Variants in CMKLR2 observed in about 807,000 individuals in gnomAD.
CMKLR2 encodes chemerin chemokine-like receptor 2.
In CMKLR2, 18 loss-of-function variants were observed where a neutral mutation model predicts 23.0. The ratio of observed to expected loss-of-function variants is 0.78; its 90% confidence interval spans 0.54 to 1.16. The LOEUF (loss-of-function observed/expected upper bound fraction) is 1.16, where lower values mean the gene tolerates loss of function less well. Among genes scored for constraint, CMKLR2 ranks in the 50% most tolerant of loss-of-function variants. The probability of loss-of-function intolerance (pLI) is 0.00; values close to 1 mark genes in which losing one functional copy is unlikely to be tolerated. For missense variants in CMKLR2, 401 were observed against 412.7 expected (o/e 0.97, Z 0.25); for synonymous variants, 158 against 158.9 (o/e 0.99, Z 0.05).
At position 206,213,294 on chromosome 2, in the gene CMKLR2, G is replaced by A. The variant is rs540713136; in HGVS notation, c.-29+13C>T. 6.6e-6 allele frequency: 1 copy of A among 152,344 alleles called. No homozygotes were observed. The highest frequency in any genetic ancestry group is 2.4e-5 in the African/African-American group (1 of 41,576). The allele number at this position is 152,344 out of a possible 1,614,324, so 9.4% of individuals were successfully genotyped here. A position where few individuals can be genotyped will look rare whatever the true frequency, so the allele number is the denominator to read the frequency against. ...TGTGTCAGTTTGAGGAAAACAAACA[G>A]GAAAGCACTTACCAGTTAAATTTCT... On this transcript the variant is annotated intron_variant, in intron 1 of 1. Transcript: ENST00000621141.
intron 1 of CMKLR2, among the ~76,000 whole-genome samples, chr2:206,208,764 T>C (rs1220050102): frequency 6.6e-6 from 1 of 151,940 alleles, no homozygotes; most frequent in Non-Finnish European, 1.5e-5. Flanking sequence ...CTCAGCTTCC[T>C]AAGTAACTAG....
intron 1 of CMKLR2, among the ~76,000 whole-genome samples, chr2:206,179,758 T>G (rs1437806388): frequency 6.6e-6 from 1 of 152,168 alleles, no homozygotes; most frequent in Non-Finnish European, 1.5e-5. Context: ...GCTATTTCTA[T>G]CTGTAGTATT....
At chr2:206,211,723 G>A (rs1689570379) in intron 1 of CMKLR2, among the ~76,000 whole-genome samples, 1 of 145,642 alleles carries the variant, frequency 6.9e-6, no homozygotes. Context: ...TATTAAGATG[G>A]CATATATAAA....
chr2:206,204,585 G>A (rs1689243253), intron 1 of CMKLR2, among the ~76,000 whole-genome samples: 1 of 151,692 alleles, frequency 6.6e-6, no homozygotes, highest in Non-Finnish European at 1.5e-5. Context: ...TTGAGACAGA[G>A]TCTCGCTCTG....
chr2:206,177,562 T>C (rs1688273579), intron 1 of CMKLR2, among the ~76,000 whole-genome samples: 1 of 152,162 alleles, frequency 6.6e-6, no homozygotes, highest in East Asian at 1.9e-4. Flanking sequence ...AATTTTTAAA[T>C]TTTTTGTAGA....
intron 1 of CMKLR2, among the ~76,000 whole-genome samples, chr2:206,181,889 T>G (rs1176279616): frequency 6.7e-6 from 1 of 149,602 alleles, no homozygotes; most frequent in Non-Finnish European, 1.5e-5. Context: ...AGGTGGAGGT[T>G]TTAGTGAGCC....
intron 1 of CMKLR2, among the ~76,000 whole-genome samples, chr2:206,207,728 C>CTTTTGTTTTTT (rs1689382989): frequency 2.3e-5 from 1 of 43,582 alleles, no homozygotes; most frequent in Non-Finnish European, 3.7e-5. Context: ...ACCTCAGGGC[C>CTTTTGTTTTTT]TTTTTTTTTT....
Position 206,205,613 on chromosome 2 carries a change from C to T in CMKLR2, c.-29+7694G>A, listed in dbSNP as rs185076296. 1.1e-4 allele frequency among the ~76,000 whole-genome samples: 16 copies of T among 151,864 alleles called. No individual in the cohort carries two copies. In the East Asian group the frequency reaches 2.7e-3, roughly 26 times the overall value. On this transcript the variant is annotated intron_variant, in intron 1 of 1. Transcript: ENST00000621141. ...TCTTGAACTCCTGGGCTCAAGTGAT[C>T]TTCTTGCCTTGGCCTCCCAAAGTGG...
At position 206,208,266 on chromosome 2, in the gene CMKLR2, T is replaced by C. The variant is rs561844331; in HGVS notation, c.-29+5041A>G. Among the ~76,000 whole-genome samples, 2 of 152,144 alleles carry C rather than the reference T, an allele frequency of 1.3e-5. 1 individual carries two copies. The highest frequency in any genetic ancestry group is 3.9e-4 in the East Asian group (2 of 5,172). ...AAAACTATGTTATGTTTAGGCTGGG[T>C]GTGGTGGCTCATGCCTGTAATCCCT... On this transcript the variant is annotated intron_variant, in intron 1 of 1. Coordinates refer to ENST00000621141, the MANE Select transcript of CMKLR2 (RefSeq NM_001389445.1).
Position 206,209,773 on chromosome 2 carries a change from C to T in CMKLR2, c.-29+3534G>A, listed in dbSNP as rs532613140. 2.5e-3 allele frequency among the ~76,000 whole-genome samples: 375 copies of T among 150,762 alleles called. 3 individuals carry two copies. The highest frequency in any genetic ancestry group is 6.8e-3 in the Middle Eastern group (2 of 294). On this transcript the variant is annotated intron_variant, in intron 1 of 1. Coordinates refer to ENST00000621141, the MANE Select transcript of CMKLR2 (RefSeq NM_001389445.1). ...ACGCCATTCTCCTGCCTCAGCCTCC[C>T]GAGTAGCTGGGACTACAGGCGCCCG...
chr2:206,205,787 C>T (rs369021821), intron 1 of CMKLR2, among the ~76,000 whole-genome samples: 1 of 151,970 alleles, frequency 6.6e-6, no homozygotes, highest in Admixed American at 6.6e-5. Flanking sequence ...GCAACCTCCA[C>T]CTCCCAGGTT....
chr2:206,193,575 T>C (rs2105817771), intron 1 of CMKLR2, among the ~76,000 whole-genome samples: 1 of 152,322 alleles, frequency 6.6e-6, no homozygotes, highest in East Asian at 1.9e-4. Flanking sequence ...TGTTCATCCA[T>C]ATAAAGAGTC....
chr2:206,213,804 G>A (rs1428992606), upstream of CMKLR2: 1 of 152,200 alleles, frequency 6.6e-6, no homozygotes, highest in Non-Finnish European at 1.5e-5. Flanking sequence ...TCCTGATAGT[G>A]AAGAGATGGA....
chr2:206,179,664 G>C (rs1294441146), intron 1 of CMKLR2, among the ~76,000 whole-genome samples: 2 of 152,034 alleles, frequency 1.3e-5, no homozygotes, highest in Non-Finnish European at 2.9e-5. Flanking sequence ...CAGTTTTTCT[G>C]GGTTAAGAAG....
intron 1 of CMKLR2, among the ~76,000 whole-genome samples, chr2:206,184,486 G>A (rs1488398628): frequency 3.3e-5 from 5 of 151,770 alleles, no homozygotes; most frequent in Admixed American, 1.3e-4. Flanking sequence ...TAGTAAAGAC[G>A]GGGTTTCACT....
At chr2:206,191,492 A>T (rs1330898738) in intron 1 of CMKLR2, among the ~76,000 whole-genome samples, 2 of 147,848 alleles carry the variant, frequency 1.4e-5, no homozygotes, top group African/African-American at 2.4e-5. Flanking sequence ...GGACTTTGTT[A>T]AAAAAAATAC....
At chr2:206,205,503 C>T (rs756565570) in intron 1 of CMKLR2, among the ~76,000 whole-genome samples, 5 of 151,908 alleles carry the variant, frequency 3.3e-5, no homozygotes, top group African/African-American at 4.8e-5. Flanking sequence ...GCTGGGACTA[C>T]AGGTGCTCAC....
At chr2:206,180,348 C>T (rs1388078349) in intron 1 of CMKLR2, among the ~76,000 whole-genome samples, 1 of 151,160 alleles carries the variant, frequency 6.6e-6, no homozygotes, top group Non-Finnish European at 1.5e-5. Context: ...AAAGATCTTA[C>T]ATTGTGGGTA....
chr2:206,192,172 G>A (rs1245722853), intron 1 of CMKLR2, among the ~76,000 whole-genome samples: 2 of 151,202 alleles, frequency 1.3e-5, no homozygotes, highest in African/African-American at 4.9e-5. Flanking sequence ...TAGAGATGGG[G>A]TTTTACCATG....
Sources: allele counts gnomAD v4.1 joint callset (sites outside exome capture counted in the v4.1 genomes callset), GRCh38; gene constraint gnomAD v4.1.1; transcripts MANE v1.5; gene names NCBI Gene and HGNC (gene_info 2026-07-23, HGNC 2026-07-21).